Variants in WIPF3 observed in about 807,000 individuals in gnomAD.
WIPF3 encodes WAS/WASL-interacting protein family member 3.
In WIPF3, 33 loss-of-function variants were observed where a neutral mutation model predicts 38.9. The ratio of observed to expected loss-of-function variants is 0.85; its 90% CI spans 0.64 to 1.14. WIPF3 has a LOEUF of 1.14. Ranked by LOEUF, WIPF3 falls within the 50% of genes most tolerant of loss-of-function variation. The probability of loss-of-function intolerance (pLI) is 0.00; values close to 1 mark genes in which losing one functional copy is unlikely to be tolerated. For synonymous variants in WIPF3, 324 were observed against 269.3 expected (o/e 1.20, Z -1.99); for missense variants, 711 against 652.5 (o/e 1.09, Z -0.98).
rs933435415 is a variant in WIPF3, at chr7:29,845,303, T to C, written c.90+10489T>C. 2.6e-5 allele frequency among the ~76,000 whole-genome samples: 4 copies of C among 152,176 alleles called. No homozygotes were observed. In the East Asian group the frequency reaches 7.7e-4, roughly 29 times the overall value. ...GCTGCTAGCAGTGCGGGGCACATAG[T>C]GAGGACAGTGGCTGCCCCTTGAGCT... On this transcript the variant is annotated intron_variant, in intron 2 of 8. Transcript: ENST00000242140.
chr7:29,842,377 G>A (rs1446662883), intron 2 of WIPF3, among the ~76,000 whole-genome samples: 1 of 152,184 alleles, frequency 6.6e-6, no homozygotes, highest in Non-Finnish European at 1.5e-5. Context: ...AGACACTGAG[G>A]TGCCGTATAT....
chr7:29,882,519 T>G (rs777334438), intron 4 of WIPF3, among the ~76,000 whole-genome samples: 3 of 152,202 alleles, frequency 2.0e-5, no homozygotes, highest in Non-Finnish European at 4.4e-5. Flanking sequence ...GGGCTCATAT[T>G]TGGAAAGCCA....
chr7:29,875,453 A>G (rs1324336252), intron 2 of WIPF3, among the ~76,000 whole-genome samples: 1 of 152,032 alleles, frequency 6.6e-6, no homozygotes, highest in Non-Finnish European at 1.5e-5. Flanking sequence ...CCAGGAGGGG[A>G]CCTGGGGCAC....
rs138748411 is a variant in WIPF3, at chr7:29,844,351, C to T, written c.90+9537C>T. Among the ~76,000 whole-genome samples, 298 of 152,290 alleles carry T rather than the reference C, an allele frequency of 2.0e-3. No individual in the cohort carries two copies. The highest frequency in any genetic ancestry group is 6.4e-3 in the African/African-American group (267 of 41,570). ...CCATTGGCTGAGTTGGATCCTGTAA[C>T]AATAATGCTTCATAATAACAGGCAT... On this transcript the variant is annotated intron_variant, in intron 2 of 8. Coordinates refer to ENST00000242140, the MANE Select transcript of WIPF3 (RefSeq NM_001080529.3). The surrounding 1 kb of genome is among the most constrained non-coding windows in gnomAD (Gnocchi z 4.8).
At chr7:29,895,513 A>G (rs1786122751) in intron 7 of WIPF3, among the ~76,000 whole-genome samples, 1 of 152,262 alleles carries the variant, frequency 6.6e-6, no homozygotes, top group African/African-American at 2.4e-5. Flanking sequence ...ATACATTGCT[A>G]CAACATGGAT....
chr7:29,842,605 A>C (rs1027147865), intron 2 of WIPF3, among the ~76,000 whole-genome samples: 11 of 152,288 alleles, frequency 7.2e-5, no homozygotes, highest in African/African-American at 2.6e-4. Context: ...AAGCTGTGAC[A>C]TATATTGGGA....
At chr7:29,837,695 A>G (rs1044071394) in intron 2 of WIPF3, among the ~76,000 whole-genome samples, 2 of 152,188 alleles carry the variant, frequency 1.3e-5, no homozygotes, top group African/African-American at 4.8e-5. Flanking sequence ...GTACACTTAC[A>G]ATACATATTA....
chr7:29,824,752 TG>T (rs11348901), intron 1 of WIPF3, among the ~76,000 whole-genome samples: 1,668 of 152,152 alleles, frequency 0.011, 33 homozygotes, highest in African/African-American at 0.038. Flanking sequence ...TTGTGAGACT[TG>T]GCTGTCAGTG....
At chr7:29,862,234 A>G (rs1266044197) in intron 2 of WIPF3, among the ~76,000 whole-genome samples, 1 of 152,130 alleles carries the variant, frequency 6.6e-6, no homozygotes, top group Admixed American at 6.5e-5. Flanking sequence ...CCTCACACAC[A>G]CACAAACTAG....
intron 8 of WIPF3, among the ~76,000 whole-genome samples, chr7:29,913,583 T>C (rs922207052): frequency 6.6e-6 from 1 of 152,236 alleles, no homozygotes; most frequent in Non-Finnish European, 1.5e-5. Flanking sequence ...TATGGCTCTT[T>C]ACATTTTTCA....
At chr7:29,912,433 C>T (rs147038557) in intron 8 of WIPF3, 62 of 154,940 alleles carry the variant, frequency 4.0e-4, no homozygotes, top group Non-Finnish European at 7.7e-4. Flanking sequence ...TGCGTATATA[C>T]CCAAAAGAAC....
chr7:29,903,962 T>A (rs942488851), intron 7 of WIPF3, among the ~76,000 whole-genome samples: 1 of 152,156 alleles, frequency 6.6e-6, no homozygotes, highest in African/African-American at 2.4e-5. Context: ...ATCTTTTACT[T>A]TTTTAGCCAG....
chr7:29,891,853 G>C (rs1786031435), intron 7 of WIPF3, among the ~76,000 whole-genome samples: 1 of 152,186 alleles, frequency 6.6e-6, no homozygotes, highest in Non-Finnish European at 1.5e-5. Context: ...GAGAGAGAGG[G>C]TCACAGTTCC....
chr7:29,876,050 A>G (rs956073964), intron 3 of WIPF3, 88 bp downstream of exon 3: 3 of 1,534,026 alleles, frequency 2.0e-6, no homozygotes, highest in African/African-American at 1.4e-5. Context: ...CTGGGGCCAC[A>G]GCTGCTTCCC....
At chr7:29,911,910 A>G (rs1182648273) in intron 8 of WIPF3, among the ~76,000 whole-genome samples, 1 of 152,216 alleles carries the variant, frequency 6.6e-6, no homozygotes, top group Non-Finnish European at 1.5e-5. Flanking sequence ...GGCATAGGCA[A>G]CAGAAGAAAA....
chr7:29,836,741 C>G (rs1288603462), intron 2 of WIPF3, among the ~76,000 whole-genome samples: 1 of 152,220 alleles, frequency 6.6e-6, no homozygotes, highest in African/African-American at 2.4e-5. Context: ...GTTATCCCAG[C>G]ACTTTGGGAG....
At chr7:29,845,892 A>G (rs1260562608) in intron 2 of WIPF3, among the ~76,000 whole-genome samples, 1 of 152,258 alleles carries the variant, frequency 6.6e-6, no homozygotes, top group African/African-American at 2.4e-5. Flanking sequence ...CAAACCCACT[A>G]TGAGCTAACC....
Position 29,915,106 on chromosome 7 carries a change from T to G in WIPF3, c.*590T>G, listed in dbSNP as rs1374746657. 1 of 60,158 alleles carries G rather than the reference T, an allele frequency of 1.7e-5. No homozygotes were observed. Among genetic ancestry groups the G allele is most frequent in the African/African-American group, 6.3e-5 (1 of 15,838 alleles). The allele number at this position is 60,158 out of a possible 1,614,324, so 3.7% of individuals were successfully genotyped here. A position where few individuals can be genotyped will look rare whatever the true frequency, so the allele number is the denominator to read the frequency against. ...TTTTTTTTTTTTTTTTTTTTTTTTT[T>G]GCTGCCTAATGTAATACATCACAAA... is the stretch of plus-strand genomic sequence containing the variant. On this transcript the variant is annotated 3_prime_UTR_variant, in exon 9 of 9. Coordinates refer to ENST00000242140, the MANE Select transcript of WIPF3 (RefSeq NM_001080529.3).
In WIPF3 at chr7:29,914,758, A is replaced by G. The variant is rs751258262; in HGVS notation, c.*242A>G. ...TTTGCATTGCATCTTGGCATTTGTC[A>G]GCACAGATAGAGCCCTGTCCCTCCA... On this transcript the variant is annotated 3_prime_UTR_variant, in exon 9 of 9. Transcript: ENST00000242140. 3.1e-6 allele frequency: 1 copy of G among 324,380 alleles called. No individual in the cohort carries two copies. The highest frequency in any genetic ancestry group is 5.6e-6 in the Non-Finnish European group (1 of 177,088). 20.1% of individuals were successfully genotyped at this position (324,380 alleles called of 1,614,324 possible).
Sources: allele counts gnomAD v4.1 joint callset (sites outside exome capture counted in the v4.1 genomes callset), GRCh38; gene constraint gnomAD v4.1.1; non-coding constraint Gnocchi (gnomAD v3.1); transcripts MANE v1.5; gene names NCBI Gene and HGNC (gene_info 2026-07-23, HGNC 2026-07-21).